OPCML: variants seen among roughly 807,000 people sequenced by gnomAD.
OPCML encodes the protein opioid binding protein/cell adhesion molecule like.
In OPCML, 13 loss-of-function variants were observed where a neutral mutation model predicts 37.8. That is an observed-to-expected ratio of 0.34 (90% CI 0.22 to 0.55). The LOEUF (loss-of-function observed/expected upper bound fraction) is 0.55, where lower values mean the gene tolerates loss of function less well. Ranked by LOEUF, OPCML falls within the 20% of genes least tolerant of loss-of-function variation. OPCML has a pLI of 0.91. For synonymous variants in OPCML, 176 were observed against 168.8 expected (o/e 1.04, Z -0.33); for missense variants, 341 against 435.6 (o/e 0.78, Z 1.93).
At chr11:133,271,365 A>C (rs901368444) in intron 1 of OPCML, among the ~76,000 whole-genome samples, 1 of 152,204 alleles carries the variant, frequency 6.6e-6, no homozygotes, top group Non-Finnish European at 1.5e-5. Flanking sequence ...CACCAGCTGG[A>C]TCTTTGCCTG....
intron 1 of OPCML, chr11:133,422,144 T>C (rs973040982): frequency 1.3e-5 from 13 of 977,168 alleles, no homozygotes; most frequent in Non-Finnish European, 1.6e-5. Context: ...CAGGCCCCGA[T>C]GTGTTTGTTT....
At chr11:132,679,445 G>A (rs74467191) in intron 2 of OPCML, among the ~76,000 whole-genome samples, 2,637 of 152,280 alleles carry the variant, frequency 0.017, 63 homozygotes, top group African/African-American at 0.05. Flanking sequence ...ATTCTCCAAC[G>A]TGGATCAACC....
chr11:132,964,714 C>T (rs777635693), intron 1 of OPCML, among the ~76,000 whole-genome samples: 43 of 152,282 alleles, frequency 2.8e-4, no homozygotes, highest in Non-Finnish European at 1.8e-4. Flanking sequence ...GCACCAGGGT[C>T]CTCTGATCCC....
intron 1 of OPCML, among the ~76,000 whole-genome samples, chr11:133,125,935 GTATA>G (rs951537427): frequency 1.4e-5 from 2 of 143,820 alleles, no homozygotes; most frequent in African/African-American, 2.6e-5. Context: ...ATATACACAT[GTATA>G]TATAGACACA....
chr11:133,519,370 G>C (rs1026647115), intron 1 of OPCML, among the ~76,000 whole-genome samples: 2 of 152,166 alleles, frequency 1.3e-5, no homozygotes, highest in African/African-American at 4.8e-5. Flanking sequence ...TCCAGCCATA[G>C]ACCTAAATGT....
intron 3 of OPCML, among the ~76,000 whole-genome samples, chr11:132,564,542 G>A (rs2096417943): frequency 6.6e-6 from 1 of 152,168 alleles, no homozygotes; most frequent in African/African-American, 2.4e-5. Context: ...GCCATTTCTG[G>A]AGCTCCGCAT....
chr11:133,090,246 CTGTTA>C, intron 1 of OPCML, among the ~76,000 whole-genome samples: 2 of 152,186 alleles, frequency 1.3e-5, no homozygotes, highest in Middle Eastern at 6.8e-3. Context: ...CTGCTTGTCT[CTGTTA>C]TATTTGGGGT....
chr11:132,516,246 T>A (rs2096279390), intron 4 of OPCML, among the ~76,000 whole-genome samples: 1 of 152,056 alleles, frequency 6.6e-6, no homozygotes, highest in African/African-American at 2.4e-5. Context: ...GGAAGAAAAA[T>A]GCTTGGGAGA....
intron 3 of OPCML, among the ~76,000 whole-genome samples, chr11:132,647,093 C>T (rs141216962): frequency 5.8e-4 from 88 of 152,138 alleles, no homozygotes; most frequent in Admixed American, 3.1e-3. Context: ...GGCAGTCTGA[C>T]CTACTTATTT....
chr11:132,462,188 T>C (rs1300697958), intron 4 of OPCML, among the ~76,000 whole-genome samples: 1 of 152,188 alleles, frequency 6.6e-6, no homozygotes, highest in Non-Finnish European at 1.5e-5. Context: ...GAGAATTACT[T>C]GCTGGTGGGA....
chr11:133,286,621 C>T (rs1219907762), intron 1 of OPCML, among the ~76,000 whole-genome samples: 1 of 152,162 alleles, frequency 6.6e-6, no homozygotes, highest in African/African-American at 2.4e-5. Context: ...GTGGCCTCGG[C>T]GGCCTTGTTG....
intron 1 of OPCML, among the ~76,000 whole-genome samples, chr11:132,966,980 T>C (rs2136741983): frequency 6.6e-6 from 1 of 152,164 alleles, no homozygotes; most frequent in East Asian, 1.9e-4. Context: ...TTTTATCAAG[T>C]CTAACAATCT....
chr11:133,383,254 T>A (rs1944970325), intron 1 of OPCML, among the ~76,000 whole-genome samples: 1 of 152,156 alleles, frequency 6.6e-6, no homozygotes, highest in African/African-American at 2.4e-5. Flanking sequence ...CAGAGCCCTG[T>A]GAGAGCTCAT....
At chr11:132,938,725 C>T (rs1945476225) in intron 2 of OPCML, among the ~76,000 whole-genome samples, 1 of 152,150 alleles carries the variant, frequency 6.6e-6, no homozygotes, top group Admixed American at 6.5e-5. Context: ...ACAGAGCTTT[C>T]TAGGGCATTA....
intron 1 of OPCML, among the ~76,000 whole-genome samples, chr11:133,198,689 A>G (rs538821488): frequency 6.6e-6 from 1 of 152,376 alleles, no homozygotes; most frequent in Non-Finnish European, 1.5e-5. Context: ...CAGAGAGACC[A>G]TGGGAGTGTG....
chr11:132,489,247 C>T (rs548988082), intron 4 of OPCML, among the ~76,000 whole-genome samples: 6 of 152,234 alleles, frequency 3.9e-5, no homozygotes, highest in South Asian at 2.1e-4. Context: ...CTCCACATCC[C>T]GCCCCGCTGG....
At chr11:133,065,052 AC>A (rs1948418423) in intron 1 of OPCML, 1 of 152,076 alleles carries the variant, frequency 6.6e-6, no homozygotes, top group Non-Finnish European at 1.5e-5. Context: ...TGGTGGCCTC[AC>A]CCGGAGGAAA....
chr11:133,305,021 A>T (rs1942876011), intron 1 of OPCML, among the ~76,000 whole-genome samples: 1 of 152,170 alleles, frequency 6.6e-6, no homozygotes, highest in Admixed American at 6.5e-5. Context: ...GGAGTAAGCA[A>T]CGCCCCTGCC....
At chr11:132,452,854 C>G (rs563475804) in intron 4 of OPCML, among the ~76,000 whole-genome samples, 2 of 152,284 alleles carry the variant, frequency 1.3e-5, no homozygotes, top group African/African-American at 4.8e-5. Flanking sequence ...ACAAATCAAC[C>G]ATGAACACAA....
Sources: allele counts gnomAD v4.1 joint callset (sites outside exome capture counted in the v4.1 genomes callset), GRCh38; gene constraint gnomAD v4.1.1; transcripts MANE v1.5; gene names NCBI Gene and HGNC (gene_info 2026-07-23, HGNC 2026-07-21).